Variants in ELAPOR2 observed in about 807,000 individuals in gnomAD.
ELAPOR2 encodes endosome/lysosome-associated apoptosis and autophagy regulator family member 2.
In ELAPOR2, 89 loss-of-function variants were observed where a neutral mutation model predicts 120.7. That is an observed-to-expected ratio of 0.74 (90% CI 0.62 to 0.88). The LOEUF is 0.88. Ranked by LOEUF, ELAPOR2 falls within the 40% of genes least tolerant of loss-of-function variation. ELAPOR2 has a pLI of 0.00. For synonymous variants in ELAPOR2, 444 were observed against 444.9 expected (o/e 1.00, Z 0.03); for missense variants, 1,134 against 1,251.6 (o/e 0.91, Z 1.42).
chr7:86,940,327 T>C (rs1790751358), intron 5 of ELAPOR2, among the ~76,000 whole-genome samples: 1 of 152,014 alleles, frequency 6.6e-6, no homozygotes, highest in South Asian at 2.1e-4. Flanking sequence ...CAAAATACAT[T>C]AAACAGAAAA....
chr7:87,049,542 A>G lies in ELAPOR2; in HGVS notation c.189+9783T>C, dbSNP rs568960105. 1.3e-3 allele frequency among the ~76,000 whole-genome samples: 204 copies of G among 152,252 alleles called. 3 individuals are homozygous for G. The highest frequency in any genetic ancestry group is 4.8e-3 in the African/African-American group (201 of 41,546). ...CGTGATCCGCCAGCCTCGGCCTCCC[A>G]AAGTGCTGGGATTACAGGCGCCTGG... On this transcript the variant is annotated intron_variant, in intron 1 of 21. Coordinates refer to ENST00000450689, the MANE Select transcript of ELAPOR2 (RefSeq NM_001142749.3).
rs1401146770 is a variant in ELAPOR2 at position 87,040,271 on chromosome 7, A to G, written c.189+19054T>C. On this transcript the variant is annotated intron_variant, in intron 1 of 21. Transcript: ENST00000450689. ...GCTCGAACTGGGTGGAGCCCACCAC[A>G]GCTCAAGGAGGCCTGCCTGCCTCTG... is the stretch of plus-strand genomic sequence containing the variant. Among the ~76,000 whole-genome samples the G allele has an allele frequency of 2.0e-5, 3 of 152,374 alleles. No homozygotes were observed. The East Asian group carries it at 5.8e-4, about 29-fold the overall frequency.
At chr7:86,997,470 T>A (rs568713208) in intron 1 of ELAPOR2, among the ~76,000 whole-genome samples, 1 of 152,206 alleles carries the variant, frequency 6.6e-6, no homozygotes, top group Non-Finnish European at 1.5e-5. Context: ...ATTTTAATGT[T>A]CAGCATTAAA....
chr7:86,976,636 A>C (rs1792292581), intron 1 of ELAPOR2, among the ~76,000 whole-genome samples: 1 of 152,176 alleles, frequency 6.6e-6, no homozygotes. Flanking sequence ...CACCACACAT[A>C]AAAGGGAGAA....
At chr7:86,909,415 C>G (rs1789188521) in intron 16 of ELAPOR2, among the ~76,000 whole-genome samples, 1 of 152,088 alleles carries the variant, frequency 6.6e-6, no homozygotes, top group Non-Finnish European at 1.5e-5. Flanking sequence ...TGCTGTTTGT[C>G]ACCTGCTTCC....
At chr7:87,026,716 T>G (rs146675302) in intron 1 of ELAPOR2, among the ~76,000 whole-genome samples, 1 of 152,238 alleles carries the variant, frequency 6.6e-6, no homozygotes, top group East Asian at 1.9e-4. Context: ...ACTAAGAACT[T>G]AGAGATAATG....
chr7:86,895,919 A>G (rs1788415871), intron 19 of ELAPOR2, among the ~76,000 whole-genome samples: 1 of 152,156 alleles, frequency 6.6e-6, no homozygotes, highest in Non-Finnish European at 1.5e-5. Context: ...TGTGAAGTAG[A>G]AAAAGCATTA....
chr7:86,955,534 T>C (rs1377125354), intron 2 of ELAPOR2, among the ~76,000 whole-genome samples: 4 of 152,082 alleles, frequency 2.6e-5, no homozygotes, highest in African/African-American at 9.7e-5. Flanking sequence ...ATACTAATAG[T>C]GGCAGACATT....
chr7:86,894,927 G>C (rs1395842732), intron 19 of ELAPOR2, among the ~76,000 whole-genome samples: 1 of 151,994 alleles, frequency 6.6e-6, no homozygotes, highest in Non-Finnish European at 1.5e-5. Context: ...TTTGATAAGA[G>C]CACTTCTATC....
chr7:87,024,693 C>T (rs1794185586), intron 1 of ELAPOR2, among the ~76,000 whole-genome samples: 1 of 152,008 alleles, frequency 6.6e-6, no homozygotes, highest in Non-Finnish European at 1.5e-5. Context: ...CCATCTGGTC[C>T]TGGACTTTTT....
intron 1 of ELAPOR2, among the ~76,000 whole-genome samples, chr7:87,006,739 A>G (rs1793493924): frequency 6.6e-6 from 1 of 152,206 alleles, no homozygotes; most frequent in Non-Finnish European, 1.5e-5. Flanking sequence ...TCCACAAAGC[A>G]GACTTGTACA....
intron 1 of ELAPOR2, among the ~76,000 whole-genome samples, chr7:86,993,654 T>C (rs4728656): frequency 0.19 from 29,553 of 152,176 alleles, 4,073 homozygotes; most frequent in East Asian, 0.58. Flanking sequence ...TCATTTTCTT[T>C]TACCAAAAAT....
rs919110201 is a variant in ELAPOR2, at chr7:86,939,903, T to C, written c.847+107A>G. 3 of 582,158 alleles carry C rather than the reference T, an allele frequency of 5.2e-6. No homozygotes were observed. The African/African-American group carries it at 5.8e-5, about 11-fold the overall frequency. 36.1% of individuals were successfully genotyped at this position (582,158 alleles called of 1,614,324 possible). ...CCTATATGATTCCCTAACATATTAA[T>C]TTCTGTTCTATAAATCTTTGAGCCA... On this transcript the variant is annotated intron_variant, in intron 6 of 21. Transcript: ENST00000450689.
chr7:86,981,617 C>T (rs532001655), intron 1 of ELAPOR2, among the ~76,000 whole-genome samples: 30 of 152,312 alleles, frequency 2.0e-4, no homozygotes, highest in African/African-American at 4.1e-4. Context: ...ACTAATGAAC[C>T]GCTAGTCATG....
At chr7:87,009,655 T>G (rs916596803) in intron 1 of ELAPOR2, among the ~76,000 whole-genome samples, 27 of 152,178 alleles carry the variant, frequency 1.8e-4, no homozygotes, top group Non-Finnish European at 3.2e-4. Flanking sequence ...AATAAAGATC[T>G]GCACCAAAAG....
rs1795238282 is a variant in ELAPOR2, at chr7:87,055,628, C to G, written c.189+3697G>C. On this transcript the variant is annotated intron_variant, in intron 1 of 21. Transcript: ENST00000450689. ...GTCTGCTTGGCAAATTCCTACTTAT[C>G]AATTAAGTCTCATTCACTTCCTCCA... 2.0e-5 allele frequency among the ~76,000 whole-genome samples: 3 copies of G among 152,214 alleles called. No homozygotes were observed. The South Asian group carries it at 6.2e-4, about 32-fold the overall frequency.
At chr7:86,974,580 A>AGTGTGTGTGTGTGTGTGTGTGTGT (rs35712048) in intron 1 of ELAPOR2, among the ~76,000 whole-genome samples, 1 of 138,736 alleles carries the variant, frequency 7.2e-6, no homozygotes, top group Non-Finnish European at 1.6e-5. Flanking sequence ...GAACCCCTGT[A>AGTGTGTGTGTGTGTGTGTGTGTGT]GTGTGTGTGT....
chr7:86,953,621 GAC>G (rs1298963587), intron 2 of ELAPOR2, among the ~76,000 whole-genome samples: 1 of 152,152 alleles, frequency 6.6e-6, no homozygotes, highest in Non-Finnish European at 1.5e-5. Flanking sequence ...CAGTATGATA[GAC>G]AGTTATTATT....
chr7:87,040,471 A>G lies in ELAPOR2; in HGVS notation c.189+18854T>C, dbSNP rs1794745785. On this transcript the variant is annotated intron_variant, in intron 1 of 21. Coordinates refer to ENST00000450689, the MANE Select transcript of ELAPOR2 (RefSeq NM_001142749.3). ...CAAGTGGGTCCCTGACCCCCGAGCA[A>G]CCTAACTGGGAGGCACCCCCCAGCA... Among the ~76,000 whole-genome samples, 6 of 152,262 alleles carry G rather than the reference A, an allele frequency of 3.9e-5. No homozygotes were observed. The South Asian group carries it at 1.0e-3, about 26-fold the overall frequency.
Sources: gnomAD v4.1 joint callset for allele counts (sites outside exome capture counted in the v4.1 genomes callset) on GRCh38, gnomAD v4.1.1 for gene constraint, MANE v1.5 for transcripts, NCBI Gene and HGNC (gene_info 2026-07-23, HGNC 2026-07-21) for gene names.